SOX6: variants seen among roughly 807,000 people sequenced by gnomAD.
SOX6 encodes the protein transcription factor SOX-6.
Under a neutral mutation model 97.8 loss-of-function variants are expected in SOX6, and 11 were observed. The observed-to-expected ratio is 0.11, with a 90% CI of 0.07 to 0.19. The LOEUF is 0.19. SOX6 is among the 10% of genes least tolerant of loss of function. The probability of loss-of-function intolerance (pLI) is 1.00; values close to 1 mark genes in which losing one functional copy is unlikely to be tolerated. For synonymous variants in SOX6, 360 were observed against 371.4 expected (o/e 0.97, Z 0.35); for missense variants, 810 against 1,039.5 (o/e 0.78, Z 3.04).
At chr11:16,431,784 A>G (rs1859277036) in intron 1 of SOX6, among the ~76,000 whole-genome samples, 2 of 152,116 alleles carry the variant, frequency 1.3e-5, no homozygotes, top group African/African-American at 4.8e-5. Flanking sequence ...TATTTGTCAT[A>G]GATAACTTTC....
At chr11:16,000,496 G>A (rs1234932701) in intron 13 of SOX6, among the ~76,000 whole-genome samples, 1 of 152,160 alleles carries the variant, frequency 6.6e-6, no homozygotes, top group African/African-American at 2.4e-5. Flanking sequence ...AAGAGCCGAT[G>A]GTACAGGAAC....
intron 10 of SOX6, among the ~76,000 whole-genome samples, chr11:16,054,003 C>T (rs1445612803): frequency 2.6e-5 from 4 of 151,946 alleles, no homozygotes; most frequent in Non-Finnish European, 5.9e-5. Context: ...GAAATATTTC[C>T]TTTGTTATTA....
intron 1 of SOX6, among the ~76,000 whole-genome samples, chr11:16,425,568 C>A (rs1249207114): frequency 6.6e-6 from 1 of 152,134 alleles, no homozygotes; most frequent in Admixed American, 6.5e-5. Flanking sequence ...TAGAAAAAAA[C>A]CCATTGTCTT....
chr11:16,200,248 C>G (rs1772147082), intron 4 of SOX6, among the ~76,000 whole-genome samples: 1 of 152,166 alleles, frequency 6.6e-6, no homozygotes, highest in South Asian at 2.1e-4. Flanking sequence ...CTTAAATCTG[C>G]CTCCTACTCA....
At chr11:16,385,506 G>A (rs1857957059) in intron 1 of SOX6, among the ~76,000 whole-genome samples, 1 of 151,922 alleles carries the variant, frequency 6.6e-6, no homozygotes, top group Non-Finnish European at 1.5e-5. Context: ...TCTCAGTAGT[G>A]TCATTATTTT....
At chr11:16,150,586 T>C (rs1415589171) in intron 6 of SOX6, among the ~76,000 whole-genome samples, 1 of 152,172 alleles carries the variant, frequency 6.6e-6, no homozygotes, top group African/African-American at 2.4e-5. Flanking sequence ...GTTCTGTCTC[T>C]CGGGCTGAAA....
intron 1 of SOX6, among the ~76,000 whole-genome samples, chr11:16,391,084 T>A (rs548492362): frequency 1.3e-5 from 2 of 152,202 alleles, no homozygotes; most frequent in Admixed American, 1.3e-4. Context: ...CAGCAAACTA[T>A]CACAAGATCA....
At chr11:16,713,308 CA>C in intron 3 of SOX6, among the ~76,000 whole-genome samples, 1 of 152,084 alleles carries the variant, frequency 6.6e-6, no homozygotes, top group Admixed American at 6.5e-5. Context: ...ATTACATTGC[CA>C]AAATCTTTTA....
rs149925305 is a variant in SOX6, at chr11:16,348,695, C to T, written c.-5+7399G>A. Among the ~76,000 whole-genome samples, 9 of 152,156 alleles carry T rather than the reference C, an allele frequency of 5.9e-5. No individual in the cohort carries two copies. In the East Asian group the frequency reaches 1.2e-3, roughly 20 times the overall value. On this transcript the variant is annotated intron_variant, in intron 1 of 15. Transcript: ENST00000683767. ...CCTATATCATTAAAGGGTATGTCAG[C>T]GCATTTTCCATTATAAAAACTTTGT...
At chr11:16,164,513 C>T (rs899437874) in intron 6 of SOX6, among the ~76,000 whole-genome samples, 6 of 152,240 alleles carry the variant, frequency 3.9e-5, no homozygotes, top group African/African-American at 1.4e-4. Context: ...CATTTTGTCT[C>T]TCTGGCTCCT....
intron 1 of SOX6, among the ~76,000 whole-genome samples, chr11:16,409,345 T>C (rs543798809): frequency 6.6e-6 from 1 of 151,508 alleles, no homozygotes; most frequent in Non-Finnish European, 1.5e-5. Flanking sequence ...TGGGTTTATG[T>C]TTCAAAATTC....
chr11:16,680,407 C>T (rs143562331), intron 3 of SOX6, among the ~76,000 whole-genome samples: 158 of 152,242 alleles, frequency 1.0e-3, no homozygotes, highest in African/African-American at 3.4e-3. Flanking sequence ...CAAGCAAATG[C>T]TGAGAGATTT....
chr11:16,328,242 T>C (rs1856162207), intron 2 of SOX6, among the ~76,000 whole-genome samples: 1 of 152,086 alleles, frequency 6.6e-6, no homozygotes, highest in Non-Finnish European at 1.5e-5. Context: ...TCCTAAGACG[T>C]TCTATGGTTC....
chr11:16,263,395 A>G (rs1205800783), intron 3 of SOX6, among the ~76,000 whole-genome samples: 2 of 151,964 alleles, frequency 1.3e-5, no homozygotes, highest in Non-Finnish European at 1.5e-5. Flanking sequence ...TATAGCTTCA[A>G]TTTGTACTAT....
intron 6 of SOX6, among the ~76,000 whole-genome samples, chr11:16,120,242 CCT>C (rs951133890): frequency 1.8e-3 from 258 of 141,330 alleles, no homozygotes; most frequent in Non-Finnish European, 2.1e-3. Context: ...CTCACTCACT[CCT>C]CTCTCTCTCT....
At chr11:16,579,705 T>C (rs940861154) in intron 4 of SOX6, among the ~76,000 whole-genome samples, 2 of 152,106 alleles carry the variant, frequency 1.3e-5, no homozygotes, top group African/African-American at 4.8e-5. Flanking sequence ...GTTGTGGACA[T>C]ATGGGTTGTT....
intron 6 of SOX6, among the ~76,000 whole-genome samples, chr11:16,143,091 C>A (rs1850189763): frequency 6.6e-6 from 1 of 152,124 alleles, no homozygotes; most frequent in Non-Finnish European, 1.5e-5. Context: ...ATGTTAAGGG[C>A]AGCCAGAGAG....
intron 1 of SOX6, among the ~76,000 whole-genome samples, chr11:16,427,826 A>G (rs971668616): frequency 3.9e-5 from 6 of 152,156 alleles, no homozygotes; most frequent in Admixed American, 2.0e-4. Flanking sequence ...ATGATTTATA[A>G]TCCTTTGGGT....
intron 12 of SOX6, among the ~76,000 whole-genome samples, chr11:16,028,140 C>T (rs1186842834): frequency 5.3e-5 from 8 of 152,222 alleles, no homozygotes; most frequent in Non-Finnish European, 1.0e-4. Flanking sequence ...AAATTTTGTA[C>T]ACAGCCTGCT....
Sources: gnomAD v4.1 joint callset for allele counts (sites outside exome capture counted in the v4.1 genomes callset) on GRCh38, gnomAD v4.1.1 for gene constraint, MANE v1.5 for transcripts, NCBI Gene and HGNC (gene_info 2026-07-23, HGNC 2026-07-21) for gene names.